FAT2: variants seen among roughly 807,000 people sequenced by gnomAD.
The protein encoded by FAT2 is protocadherin Fat 2.
Under a neutral mutation model 295.3 loss-of-function variants are expected in FAT2, and 150 were observed. The observed-to-expected ratio is 0.51, with a 90% CI of 0.44 to 0.58. FAT2 has a LOEUF of 0.58. Ranked by LOEUF, FAT2 falls within the 20% of genes least tolerant of loss-of-function variation. The pLI is 0.00. For synonymous variants in FAT2, 2,026 were observed against 2,150.3 expected (o/e 0.94, Z 1.60); for missense variants, 4,868 against 5,442.7 (o/e 0.89, Z 3.32).
At position 151,521,419 on chromosome 5, in the gene FAT2, A is replaced by G; in HGVS notation, c.11174T>C (p.Val3725Ala). 1.2e-6 allele frequency: 2 copies of G among 1,614,194 alleles called. No homozygotes were observed. The highest frequency in any genetic ancestry group is 1.7e-6 in the Non-Finnish European group (2 of 1,180,022). ...GVQMRSAMPM[V>A]PCQGPTCQGQ... ...CTGGCAGGTTGGCCCCTGGCAGGGC[A>G]CCATGGGCATAGCTGACCGCATCTG... Residue 3725 changes from valine (V) to alanine (A), a missense_variant, in exon 19 of 24, where the codon GTG becomes GCG. Physicochemically the swap from Val to Ala is moderately conservative, Grantham distance 64 (BLOSUM62 0). Around this residue, in one of 5 missense-constraint regions of FAT2, gnomAD observed 1,046 missense variants for 1,210.1 expected, o/e 0.86. Coordinates refer to ENST00000261800, the MANE Select transcript of FAT2 (RefSeq NM_001447.3).
chr5:151,588,931 G>C (rs1759291683), intron 1 of FAT2, among the ~76,000 whole-genome samples: 1 of 152,184 alleles, frequency 6.6e-6, no homozygotes, highest in Non-Finnish European at 1.5e-5. Flanking sequence ...TTTCAAATGA[G>C]GAGCCTGAGG....
chr5:151,506,185 G>C (rs1760858015), intron 23 of FAT2, 88 bp from the exon 24 acceptor site: 1 of 1,397,454 alleles, frequency 7.2e-7, no homozygotes, highest in African/African-American at 1.5e-5. Context: ...AACCTAGCGA[G>C]TGGTGGAGAT....
Position 151,540,700 on chromosome 5 carries a change from C to T in FAT2, c.8906G>A (p.Arg2969Lys), listed in dbSNP as rs2127602673. ...QVGDEWRISSRKTLDREHTAK... is the reference protein window; with the variant it reads ...QVGDEWRISSKKTLDREHTAK... ...TGTATGCTCGCGGTCCAGGGTCTTCCTTGAGGAAATCCTCCACTCATCTCC... is the reference window on the plus strand; with the variant it reads ...TGTATGCTCGCGGTCCAGGGTCTTCTTTGAGGAAATCCTCCACTCATCTCC... Residue 2969 changes from arginine to lysine, a missense_variant, in exon 11 of 24, where the codon AGG becomes AAG. This residue lies in a region of FAT2 where 3,297 missense variants were observed against 3,669.4 expected (regional missense o/e 0.90). Transcript: ENST00000261800. 1 of 1,614,200 alleles carries T rather than the reference C, an allele frequency of 6.2e-7. No homozygotes were observed. The highest frequency in any genetic ancestry group is 2.2e-5 in the East Asian group (1 of 44,884).
intron 19 of FAT2, among the ~76,000 whole-genome samples, 160 bp from the exon 20 acceptor site, chr5:151,517,925 T>TAG (rs1753031276): frequency 6.6e-6 from 1 of 152,202 alleles, no homozygotes; most frequent in Non-Finnish European, 1.5e-5. Flanking sequence ...CATACCTTTC[T>TAG]AGCCTCACAC....
In FAT2 at chr5:151,551,516, T is replaced by G; in HGVS notation, c.4247A>C (p.Tyr1416Ser). 6.2e-7 allele frequency: 1 copy of G among 1,614,232 alleles called. No homozygotes were observed. Among genetic ancestry groups the G allele is most frequent in the Non-Finnish European group, 8.5e-7 (1 of 1,180,030 alleles). The change falls in exon 7 of 24, where the codon TAT (tyrosine) becomes TCT (serine). Residue 1416 changes from tyrosine (Y) to serine (S), a missense_variant. This residue lies in a region of FAT2 where 3,297 missense variants were observed against 3,669.4 expected (regional missense o/e 0.90). Coordinates refer to ENST00000261800, the MANE Select transcript of FAT2 (RefSeq NM_001447.3). ...ATCTGTCACCTCAACAGTCAAGTTA[T>G]AGTTCGACCTTCTCCTGGTATCAAG... ...RPLDTRRRSN[Y>S]NLTVEVTDGS...
Position 151,542,700 on chromosome 5 carries a change from A to C in FAT2, c.8427T>G (p.Asn2809Lys). Residue 2809 changes from asparagine (N) to lysine (K), a missense_variant, in exon 10 of 24, where the codon AAT becomes AAG. By Grantham distance (94) the Asn-to-Lys change is moderately conservative. Transcript: ENST00000261800. Reference sequence around the variant, plus strand: ...GAATGACTGAGGTCCCCACTGGCATATTCTCAGTGAGGACAGCCTTATATG... The same window carrying C: ...GAATGACTGAGGTCCCCACTGGCATCTTCTCAGTGAGGACAGCCTTATATG... ...ADPYKAVLTE[N>K]MPVGTSVIQV... The C allele has an allele frequency of 6.2e-7, 1 of 1,614,214 alleles. No homozygotes were observed. The highest frequency in any genetic ancestry group is 8.5e-7 in the Non-Finnish European group (1 of 1,180,036).
In FAT2 at chr5:151,531,930, G is replaced by A. The variant is rs1433200570; in HGVS notation, c.9468C>T (p.Ala3156=). The A allele has an allele frequency of 9.3e-6, 15 of 1,614,064 alleles. No individual in the cohort carries two copies. The highest frequency in any genetic ancestry group is 5.3e-5 in the African/African-American group (4 of 74,942). ...AQVVYSLPDS[A]EGHFSIDATT... ...TGGCGTCGATGGAAAAGTGGCCTTC[G>A]GCTGAATCCGGCAGAGAGTAAACCA... is the stretch of plus-strand genomic sequence containing the variant. The change falls in exon 14 of 24, where the codon GCC becomes GCT. Residue 3156 remains alanine (A), a synonymous_variant. Transcript: ENST00000261800. This position sits in a 1 kb window ranked among gnomAD's most constrained non-coding sequence, Gnocchi z 5.7.
intron 18 of FAT2, among the ~76,000 whole-genome samples, chr5:151,522,908 C>T (rs770193157): frequency 6.6e-6 from 1 of 152,132 alleles, no homozygotes; most frequent in Non-Finnish European, 1.5e-5. Context: ...TGTGAAAAGC[C>T]GTGAGGGTGA....
chr5:151,549,886 T>G (rs1757018573), intron 8 of FAT2, among the ~76,000 whole-genome samples: 1 of 152,150 alleles, frequency 6.6e-6, no homozygotes, highest in Admixed American at 6.5e-5. Flanking sequence ...AGTCAAACAG[T>G]TTTCTTTGTT....
chr5:151,545,213 C>T lies in FAT2; in HGVS notation c.5914G>A (p.Val1972Ile), dbSNP rs1317663957. ...TTCTCCTTCACAGCTGCCCAGTAGACATCCTGATCAAACTGCAAGCTTTTG... is the reference window on the plus strand; with the variant it reads ...TTCTCCTTCACAGCTGCCCAGTAGATATCCTGATCAAACTGCAAGCTTTTG... ...LDKSLQFDQDVYWAAVKENLQ... is the reference protein window; with the variant it reads ...LDKSLQFDQDIYWAAVKENLQ... The change falls in exon 10 of 24, where the codon GTC (valine) becomes ATC (isoleucine). Residue 1972 changes from valine to isoleucine, a missense_variant. By Grantham distance (29) the Val-to-Ile change is conservative. Coordinates refer to ENST00000261800, the MANE Select transcript of FAT2 (RefSeq NM_001447.3). 1 of 1,614,222 alleles carries T rather than the reference C, an allele frequency of 6.2e-7. No homozygotes were observed. Among genetic ancestry groups the T allele is most frequent in the South Asian group, 1.1e-5 (1 of 91,090 alleles).
rs199874752 is a variant in FAT2 at position 151,534,554 on chromosome 5, C to A, written c.9282G>T (p.Ser3094=). 5.0e-6 allele frequency: 8 copies of A among 1,614,088 alleles called. No homozygotes were observed. Among genetic ancestry groups the A allele is most frequent in the Non-Finnish European group, 5.9e-6 (7 of 1,179,996 alleles). ...CATGGAGGGTGATGTCTGCCTGGCACGATCGGCCACCTCCATCCGTCGCCT... is the reference window on the plus strand; with the variant it reads ...CATGGAGGGTGATGTCTGCCTGGCAAGATCGGCCACCTCCATCCGTCGCCT... ...VAKATDGGGR[S]CQADITLHVE... is the part of the protein sequence containing the mutation. The change falls in exon 13 of 24, where the codon TCG becomes TCT. Residue 3094 remains serine, a synonymous_variant. Coordinates refer to ENST00000261800, the MANE Select transcript of FAT2 (RefSeq NM_001447.3).
At chr5:151,563,703 C>G (rs1758128791) in intron 2 of FAT2, 64 bp from the exon 3 acceptor site, 2 of 1,413,614 alleles carry the variant, frequency 1.4e-6, no homozygotes, top group Non-Finnish European at 2.0e-6. Context: ...AGAAATCACC[C>G]TTACCCACCA....
chr5:151,582,104 G>A (rs1482735219), intron 1 of FAT2, among the ~76,000 whole-genome samples: 1 of 152,238 alleles, frequency 6.6e-6, no homozygotes, highest in East Asian at 1.9e-4. Context: ...CAGTCCTGCT[G>A]CTGAGCTGGC....
At chr5:151,507,007 G>C in intron 23 of FAT2, 147 bp downstream of exon 23, 1 of 673,430 alleles carries the variant, frequency 1.5e-6, no homozygotes, top group East Asian at 2.7e-5. Context: ...TCCGTGCCCT[G>C]TAATCTTGAA....
intron 9 of FAT2, 112 bp from the exon 10 acceptor site, chr5:151,546,449 CATATAGTGTATACCCACCCTGG>C: frequency 1.4e-6 from 1 of 706,286 alleles, no homozygotes; most frequent in Non-Finnish European, 2.3e-6. Context: ...GCAAAATCTG[CATATAGTGTATACCCACCCTGG>C]ATATAGTGTA....
At position 151,566,711 on chromosome 5, in the gene FAT2, CAG is replaced by C. The variant is rs1420455313; in HGVS notation, c.2219_2220del (p.Thr740ArgfsTer3). ...INTPLARLAATDPDAGFNGKL... is the reference protein window; with the variant it reads ...INTPLARLAAXDPDAGFNGKL... ...TTGCCATTAAAACCAGCATCAGGGTCAGTGGCTGCTAGGCGGGCCAAGGGGGT... is the reference window on the plus strand; with the variant it reads ...TTGCCATTAAAACCAGCATCAGGGTCTGGCTGCTAGGCGGGCCAAGGGGGT... On this transcript the variant is annotated frameshift_variant, in exon 2 of 24. Transcript: ENST00000261800. LOFTEE classifies it high-confidence loss of function. 2 of 1,614,046 alleles carry C rather than the reference CAG, an allele frequency of 1.2e-6. No homozygotes were observed. Among genetic ancestry groups the C allele is most frequent in the African/African-American group, 2.7e-5 (2 of 74,924 alleles).
chr5:151,536,303 G>A (rs1755276984), intron 12 of FAT2, among the ~76,000 whole-genome samples: 1 of 152,160 alleles, frequency 6.6e-6, no homozygotes. Flanking sequence ...TAAATAACCT[G>A]CCTGGGTCCC....
At position 151,566,650 on chromosome 5, in the gene FAT2, C is replaced by A. The variant is rs1450077797; in HGVS notation, c.2282G>T (p.Gly761Val). The A allele has an allele frequency of 1.2e-6, 2 of 1,614,152 alleles. No individual in the cohort carries two copies. The highest frequency in any genetic ancestry group is 8.5e-7 in the Non-Finnish European group (1 of 1,180,026). Residue 761 changes from glycine to valine, a missense_variant, in exon 2 of 24, where the codon GGC becomes GTC. Physicochemically the swap from Gly to Val is moderately radical, Grantham distance 109 (BLOSUM62 -3). Transcript: ENST00000261800. Reference sequence around the variant, plus strand: ...TGTCTCCAGCTCTATGTCAAAGCAGCCCTCCTCATTGCCATCTGCAATCAC... The same window carrying A: ...TGTCTCCAGCTCTATGTCAAAGCAGACCTCCTCATTGCCATCTGCAATCAC... The part of the protein sequence containing the change: ...VYVIADGNEE[G>V]CFDIELETGL...
intron 3 of FAT2, among the ~76,000 whole-genome samples, chr5:151,557,859 T>G (rs1469389044): frequency 6.6e-6 from 1 of 152,140 alleles, no homozygotes; most frequent in Non-Finnish European, 1.5e-5. Context: ...TTGGGAGGCC[T>G]CCAGGAAGGA....
Sources: gnomAD v4.1 joint callset for allele counts (sites outside exome capture counted in the v4.1 genomes callset) on GRCh38, gnomAD v4.1.1 for gene constraint, gnomAD v4.1.1 regional missense constraint, Gnocchi (gnomAD v3.1) non-coding constraint, MANE v1.5 for transcripts, NCBI Gene and HGNC (gene_info 2026-07-23, HGNC 2026-07-21) for gene names.